The following RNF138 variants were observed in gnomAD, a reference collection of about 807,000 sequenced individuals.
RNF138 encodes E3 ubiquitin-protein ligase RNF138.
A neutral mutation model predicts 31.0 loss-of-function variants in RNF138; 12 were observed. That is an observed-to-expected ratio of 0.39 (90% CI 0.25 to 0.63). The LOEUF (loss-of-function observed/expected upper bound fraction) is 0.63, where lower values mean the gene tolerates loss of function less well. RNF138 is among the 20% of genes least tolerant of loss of function. The pLI, the probability that RNF138 is intolerant of heterozygous loss-of-function variation, is 0.52. For missense variants in RNF138, 192 were observed against 300.1 expected (o/e 0.64, Z 2.66); for synonymous variants, 105 against 99.5 (o/e 1.06, Z -0.33).
intron 2 of RNF138, among the ~76,000 whole-genome samples, chr18:32,100,926 T>G (rs1250811902): frequency 6.6e-6 from 1 of 152,100 alleles, no homozygotes; most frequent in Non-Finnish European, 1.5e-5. Flanking sequence ...TAAATTAAAA[T>G]AAATGCTCAG....
intron 4 of RNF138, among the ~76,000 whole-genome samples, chr18:32,117,559 A>G (rs2040237534): frequency 6.6e-6 from 1 of 152,254 alleles, no homozygotes; most frequent in Non-Finnish European, 1.5e-5. Flanking sequence ...CATACTGTTT[A>G]TTATACGTTC....
At chr18:32,110,941 C>T (rs2040117832) in intron 2 of RNF138, among the ~76,000 whole-genome samples, 1 of 152,022 alleles carries the variant, frequency 6.6e-6, no homozygotes, top group Admixed American at 6.6e-5. Context: ...TCACCACGCC[C>T]GGCTAATTTT....
chr18:32,115,772 C>T (rs900271757), intron 4 of RNF138, among the ~76,000 whole-genome samples: 4 of 151,988 alleles, frequency 2.6e-5, no homozygotes, highest in African/African-American at 4.8e-5. Context: ...CACACACGCA[C>T]GCACGCACAC....
At chr18:32,122,202 C>T (rs983102121) in intron 4 of RNF138, among the ~76,000 whole-genome samples, 16 of 152,038 alleles carry the variant, frequency 1.1e-4, no homozygotes, top group South Asian at 4.1e-4. Flanking sequence ...TCTGCTTGCT[C>T]GCTTGGGCTA....
At chr18:32,102,538 A>G (rs72940728) in intron 2 of RNF138, among the ~76,000 whole-genome samples, 11,210 of 151,880 alleles carry the variant, frequency 0.074, 550 homozygotes, top group Non-Finnish European at 0.1. Flanking sequence ...TTTTAATAAT[A>G]TCACTAGTCT....
At chr18:32,110,018 G>A (rs977614364) in intron 2 of RNF138, among the ~76,000 whole-genome samples, 4 of 152,132 alleles carry the variant, frequency 2.6e-5, no homozygotes, top group African/African-American at 9.7e-5. Flanking sequence ...AGACAGTATT[G>A]CTCTGTCACC....
intron 6 of RNF138, 147 bp downstream of exon 6, chr18:32,124,992 A>G: frequency 7.0e-6 from 4 of 571,856 alleles, no homozygotes; most frequent in Non-Finnish European, 6.3e-6. Flanking sequence ...CAAAGGATTG[A>G]TGACTGTGAA....
chr18:32,103,823 G>A lies in RNF138; in HGVS notation c.111-7931G>A, dbSNP rs565175690. 1.3e-3 allele frequency among the ~76,000 whole-genome samples: 191 copies of A among 149,118 alleles called. 1 individual carries two copies. The highest frequency in any genetic ancestry group is 4.5e-3 in the African/African-American group (183 of 40,508). On this transcript the variant is annotated intron_variant, in intron 2 of 7. Coordinates refer to ENST00000261593, the MANE Select transcript of RNF138 (RefSeq NM_016271.5). ...CTAAAAATACAAAAAAAAATTAGCC[G>A]GGCGCGGTGGCGGGCACCTGTAGTC... is the stretch of plus-strand genomic sequence containing the variant.
chr18:32,109,132 C>T (rs2040083714), intron 2 of RNF138, among the ~76,000 whole-genome samples: 2 of 151,360 alleles, frequency 1.3e-5, no homozygotes, highest in African/African-American at 2.4e-5. Context: ...TATTTCCCAC[C>T]GTTTTCATTT....
intron 2 of RNF138, among the ~76,000 whole-genome samples, chr18:32,103,732 G>A (rs1342224402): frequency 6.6e-6 from 1 of 152,122 alleles, no homozygotes; most frequent in Non-Finnish European, 1.5e-5. Context: ...GGGAGGCCGA[G>A]GCGGGTGGAT....
chr18:32,093,343 C>T (rs1409723360), intron 2 of RNF138, among the ~76,000 whole-genome samples: 2 of 152,062 alleles, frequency 1.3e-5, no homozygotes, highest in African/African-American at 4.8e-5. Flanking sequence ...CGGGCCCGCT[C>T]GCCCCGCGAC....
chr18:32,117,122 G>C (rs1399735727), intron 4 of RNF138, among the ~76,000 whole-genome samples: 3 of 151,766 alleles, frequency 2.0e-5, no homozygotes, highest in East Asian at 1.9e-4. Flanking sequence ...GGATGGTCTC[G>C]AACTCCTGAC....
intron 2 of RNF138, among the ~76,000 whole-genome samples, chr18:32,108,457 CATT>C (rs2040073224): frequency 6.6e-6 from 1 of 152,136 alleles, no homozygotes; most frequent in Non-Finnish European, 1.5e-5. Flanking sequence ...TTTAGCTCAA[CATT>C]ATATCATTAT....
chr18:32,112,046 G>A (rs1207109562), intron 3 of RNF138, 127 bp downstream of exon 3: 2 of 732,258 alleles, frequency 2.7e-6, no homozygotes, highest in Non-Finnish European at 4.1e-6. Context: ...CTGGGAATTG[G>A]ATAGAAAAGG....
At chr18:32,122,237 C>T (rs111343940) in intron 4 of RNF138, among the ~76,000 whole-genome samples, 4,309 of 152,174 alleles carry the variant, frequency 0.028, 215 homozygotes, top group African/African-American at 0.099. Flanking sequence ...ACATTGTTAT[C>T]TTCACAGAAG....
chr18:32,102,870 A>T (rs2039967726), intron 2 of RNF138, among the ~76,000 whole-genome samples: 1 of 152,034 alleles, frequency 6.6e-6, no homozygotes, highest in South Asian at 2.1e-4. Flanking sequence ...ACCTTAGGTG[A>T]TCCACCTGCC....
chr18:32,099,214 G>C (rs1342271918), intron 2 of RNF138, among the ~76,000 whole-genome samples: 1 of 152,064 alleles, frequency 6.6e-6, no homozygotes, highest in Admixed American at 6.6e-5. Context: ...ATGAAAATTA[G>C]TTTTAGTAAT....
intron 4 of RNF138, among the ~76,000 whole-genome samples, chr18:32,122,138 A>AT (rs2040316391): frequency 6.6e-6 from 1 of 152,112 alleles, no homozygotes; most frequent in Admixed American, 6.5e-5. Context: ...AAGTGCTGGG[A>AT]TTACAGGTGT....
At chr18:32,093,215 C>T (rs561816517) in intron 2 of RNF138, among the ~76,000 whole-genome samples, 2 of 152,218 alleles carry the variant, frequency 1.3e-5, no homozygotes, top group Non-Finnish European at 2.9e-5. Flanking sequence ...CCCCGGAGGC[C>T]CCTGTCGTCT....
Sources: allele counts gnomAD v4.1 joint callset (sites outside exome capture counted in the v4.1 genomes callset), GRCh38; gene constraint gnomAD v4.1.1; transcripts MANE v1.5; gene names NCBI Gene and HGNC (gene_info 2026-07-23, HGNC 2026-07-21).